Variants in DMD observed in about 807,000 individuals in gnomAD.
The protein encoded by DMD is mutant dystrophin.
Under a neutral mutation model 330.1 loss-of-function variants are expected in DMD, and 63 were observed. The observed-to-expected ratio is 0.19, with a 90% CI of 0.16 to 0.24. The LOEUF (loss-of-function observed/expected upper bound fraction) is 0.24. Ranked by LOEUF, DMD falls within the 10% of genes least tolerant of loss-of-function variation. DMD has a pLI of 1.00. For missense variants in DMD, 3,344 were observed against 2,684.1 expected (o/e 1.25, Z -5.43); for synonymous variants, 1,223 against 959.8 (o/e 1.27, Z -5.07).
chrX:32,589,928 A>G (rs777666354), intron 13 of DMD, among the ~76,000 whole-genome samples: 9 of 111,726 alleles, frequency 8.1e-5, no homozygotes, highest in East Asian at 2.8e-4. Context: ...GGAATATATT[A>G]AAACACAGAC....
chrX:31,511,910 C>T (rs1313632430), intron 55 of DMD, among the ~76,000 whole-genome samples: 2 of 106,510 alleles, frequency 1.9e-5, no homozygotes, highest in African/African-American at 6.9e-5. Context: ...AATCGCCACA[C>T]TGACTTCCAC....
chrX:32,843,150 C>A (rs1314080775), intron 4 of DMD, among the ~76,000 whole-genome samples: 1 of 111,435 alleles, frequency 9.0e-6, no homozygotes, highest in East Asian at 2.8e-4. Context: ...TACAGGATAT[C>A]CCAAAGTTTG....
chrX:32,517,802 C>G, intron 18 of DMD: 1 of 453,464 alleles, frequency 2.2e-6, no homozygotes, highest in Non-Finnish European at 3.8e-6. Flanking sequence ...AAAGGCATCC[C>G]TAGTCAGTCA....
At chrX:33,017,878 G>A (rs760831988) in intron 2 of DMD, among the ~76,000 whole-genome samples, 1 of 111,499 alleles carries the variant, frequency 9.0e-6, no homozygotes, top group Admixed American at 9.6e-5. Context: ...TATCCTACAG[G>A]GCTAGAATTC....
intron 55 of DMD, among the ~76,000 whole-genome samples, chrX:31,577,906 T>C (rs940110938): frequency 9.0e-6 from 1 of 111,597 alleles, no homozygotes; most frequent in East Asian, 2.8e-4. Context: ...ATTTTATTTG[T>C]AAATTAGTAA....
intron 53 of DMD, among the ~76,000 whole-genome samples, chrX:31,669,571 T>C (rs1811859070): frequency 8.9e-6 from 1 of 111,982 alleles, no homozygotes; most frequent in Admixed American, 9.5e-5. Flanking sequence ...TGAAAGACTA[T>C]TCTTTTTCCA....
At chrX:31,297,424 A>T (rs747648393) in intron 62 of DMD, among the ~76,000 whole-genome samples, 3 of 111,557 alleles carry the variant, frequency 2.7e-5, no homozygotes, top group Non-Finnish European at 5.6e-5. Context: ...ATAGATTTTT[A>T]TAAGGGAAAA....
At chrX:32,475,309 T>A (rs2041117260) in intron 21 of DMD, among the ~76,000 whole-genome samples, 1 of 111,615 alleles carries the variant, frequency 9.0e-6, no homozygotes, top group Admixed American at 9.6e-5. Flanking sequence ...GATTTGTTCT[T>A]TTTGCTTAGT....
chrX:32,375,715 T>C (rs902998809), intron 34 of DMD, among the ~76,000 whole-genome samples: 1 of 111,747 alleles, frequency 8.9e-6, no homozygotes, highest in African/African-American at 3.2e-5. Context: ...CAAACATCTT[T>C]CTGCTTTTAC....
chrX:32,114,577 C>T (rs1219159267), intron 44 of DMD, among the ~76,000 whole-genome samples: 1 of 111,531 alleles, frequency 9.0e-6, no homozygotes, highest in Non-Finnish European at 1.9e-5. Context: ...TGTTCTCCCT[C>T]TATAATGACA....
intron 43 of DMD, among the ~76,000 whole-genome samples, chrX:32,227,296 T>C (rs1311333010): frequency 1.3e-5 from 1 of 78,295 alleles, no homozygotes; most frequent in Admixed American, 1.4e-4. Flanking sequence ...TATATATATA[T>C]ATATATATAT....
At chrX:32,073,453 AT>A (rs2096316965) in intron 44 of DMD, among the ~76,000 whole-genome samples, 1 of 111,793 alleles carries the variant, frequency 8.9e-6, no homozygotes, top group Non-Finnish European at 1.9e-5. Flanking sequence ...TATAAACATT[AT>A]GGCTAAAAAA....
intron 47 of DMD, among the ~76,000 whole-genome samples, chrX:31,921,789 T>C (rs987476206): frequency 9.0e-6 from 1 of 111,715 alleles, no homozygotes; most frequent in Non-Finnish European, 1.9e-5. Flanking sequence ...ATGGACAGAG[T>C]AGGTATAAGA....
chrX:32,206,292 A>G (rs771919394), intron 44 of DMD: 9 of 543,279 alleles, frequency 1.7e-5, no homozygotes, highest in South Asian at 4.5e-5. Context: ...TGTGAAACTC[A>G]TAAGTATATC....
chrX:31,970,539 C>T (rs1287957093), intron 44 of DMD, among the ~76,000 whole-genome samples: 1 of 110,332 alleles, frequency 9.1e-6, no homozygotes, highest in Non-Finnish European at 1.9e-5. Flanking sequence ...AAAGGATGAG[C>T]GGAGGAGACT....
intron 2 of DMD, among the ~76,000 whole-genome samples, chrX:32,951,220 A>T (rs1043036896): frequency 8.9e-6 from 1 of 111,845 alleles, no homozygotes; most frequent in East Asian, 2.8e-4. Context: ...TGGCCAAACC[A>T]GCAGCCTTCC....
intron 55 of DMD, among the ~76,000 whole-genome samples, chrX:31,565,909 C>CT (rs1330312055): frequency 8.9e-6 from 1 of 112,098 alleles, no homozygotes; most frequent in African/African-American, 3.2e-5. Context: ...TCTGTATATC[C>CT]TTTTTGGTGA....
intron 2 of DMD, among the ~76,000 whole-genome samples, chrX:32,986,944 G>A (rs755657360): frequency 4.5e-5 from 5 of 112,029 alleles, no homozygotes; most frequent in African/African-American, 6.5e-5. Flanking sequence ...AAGATTATTC[G>A]GTAGCTGTTT....
At chrX:33,035,441 T>C (rs1252744029) in intron 1 of DMD, among the ~76,000 whole-genome samples, 2 of 111,733 alleles carry the variant, frequency 1.8e-5, no homozygotes, top group East Asian at 5.6e-4. Flanking sequence ...CACTATTTTT[T>C]TGTTGTTGTT....
Sources: allele counts gnomAD v4.1 joint callset (sites outside exome capture counted in the v4.1 genomes callset), GRCh38; gene constraint gnomAD v4.1.1; transcripts MANE v1.5; gene names NCBI Gene and HGNC (gene_info 2026-07-23, HGNC 2026-07-21).